Variants in L3MBTL3 observed in about 807,000 individuals in gnomAD.
The protein encoded by L3MBTL3 is L3MBTL histone methyl-lysine binding protein 3.
Under a neutral mutation model 102.3 loss-of-function variants are expected in L3MBTL3, and 27 were observed. That is an observed-to-expected ratio of 0.26 (90% CI 0.19 to 0.36). The LOEUF is 0.36. Ranked by LOEUF, L3MBTL3 falls within the 10% of genes least tolerant of loss-of-function variation. The probability of loss-of-function intolerance (pLI) is 1.00; values close to 1 mark genes in which losing one functional copy is unlikely to be tolerated. For synonymous variants in L3MBTL3, 340 were observed against 320.9 expected (o/e 1.06, Z -0.64); for missense variants, 798 against 955.3 (o/e 0.84, Z 2.17).
chr6:130,046,270 A>C (rs1287987603), intron 3 of L3MBTL3, among the ~76,000 whole-genome samples: 1 of 152,148 alleles, frequency 6.6e-6, no homozygotes, highest in Admixed American at 6.5e-5. Context: ...GCAGAGACCC[A>C]ACAGTAAAAT....
At chr6:130,023,516 CTG>C (rs2114450894) in intron 2 of L3MBTL3, among the ~76,000 whole-genome samples, 1 of 152,246 alleles carries the variant, frequency 6.6e-6, no homozygotes, top group Non-Finnish European at 1.5e-5. Context: ...GTCACTGTGT[CTG>C]TGGATAGAAT....
At chr6:130,083,333 A>G (rs1783484828) in intron 14 of L3MBTL3, among the ~76,000 whole-genome samples, 1 of 152,058 alleles carries the variant, frequency 6.6e-6, no homozygotes. Context: ...TCTCCAATAC[A>G]AAATTGCTAA....
chr6:130,031,379 T>C (rs182591333), intron 2 of L3MBTL3, among the ~76,000 whole-genome samples: 1 of 152,334 alleles, frequency 6.6e-6, no homozygotes, highest in African/African-American at 2.4e-5. Context: ...GCCTTCCAAA[T>C]GAGGGATTCC....
At chr6:130,116,493 G>A (rs1239029912) in intron 19 of L3MBTL3, among the ~76,000 whole-genome samples, 1 of 152,136 alleles carries the variant, frequency 6.6e-6, no homozygotes, top group Non-Finnish European at 1.5e-5. Flanking sequence ...GCTGCAGTGT[G>A]GGTAATCTCA....
In L3MBTL3 at chr6:130,086,000, GCCT is replaced by G. The variant is rs1273484970; in HGVS notation, c.1408-138_1408-136del. ...ACTCCTGGCCTCAAGTGATCCGCCC[GCCT>G]CAGCCTTCCAAAGTGCTGGGATTAC... is the stretch of plus-strand genomic sequence containing the variant. On this transcript the variant is annotated intron_variant, in intron 15 of 22. Transcript: ENST00000361794. The G allele has an allele frequency of 2.0e-5, 12 of 589,062 alleles. No individual in the cohort carries two copies. The African/African-American group carries it at 2.9e-4, about 14-fold the overall frequency. 36.5% of individuals were successfully genotyped at this position (589,062 alleles called of 1,614,324 possible).
chr6:130,065,263 C>T lies in L3MBTL3; in HGVS notation c.865-1090C>T, dbSNP rs80037335. Among the ~76,000 whole-genome samples, 288 of 152,200 alleles carry T rather than the reference C, an allele frequency of 1.9e-3. 2 individuals carry two copies. The East Asian group carries it at 0.03, about 16-fold the overall frequency. Reference sequence around the variant, plus strand: ...ATTAACATTTTGGCAAATATACCTCCGGACTTCTTTTTACTATGTGTTTAC... The same window carrying T: ...ATTAACATTTTGGCAAATATACCTCTGGACTTCTTTTTACTATGTGTTTAC... On this transcript the variant is annotated intron_variant, in intron 10 of 22. Coordinates refer to ENST00000361794, the MANE Select transcript of L3MBTL3 (RefSeq NM_032438.4).
intron 16 of L3MBTL3, among the ~76,000 whole-genome samples, chr6:130,092,275 A>G (rs1784102620): frequency 6.6e-6 from 1 of 152,092 alleles, no homozygotes; most frequent in African/African-American, 2.4e-5. Flanking sequence ...TTTTTTTTAA[A>G]TCATTTTCAA....
chr6:130,130,666 A>G (rs988018790), intron 20 of L3MBTL3, among the ~76,000 whole-genome samples: 8 of 152,342 alleles, frequency 5.3e-5, no homozygotes, highest in Non-Finnish European at 8.8e-5. Flanking sequence ...TAGATATTCA[A>G]TAAAATGGGA....
intron 18 of L3MBTL3, among the ~76,000 whole-genome samples, chr6:130,102,718 C>T (rs1784770079): frequency 6.6e-6 from 1 of 152,188 alleles, no homozygotes; most frequent in Non-Finnish European, 1.5e-5. Flanking sequence ...AACATTCTTT[C>T]CCACATTGTT....
intron 18 of L3MBTL3, among the ~76,000 whole-genome samples, chr6:130,097,482 G>GCAAACAC (rs1351148729): frequency 1.3e-5 from 2 of 152,206 alleles, no homozygotes; most frequent in Non-Finnish European, 2.9e-5. Context: ...AGATTACAGT[G>GCAAACAC]TTTGAATTTG....
At chr6:130,074,235 T>G (rs1441467840) in intron 13 of L3MBTL3, among the ~76,000 whole-genome samples, 1 of 152,224 alleles carries the variant, frequency 6.6e-6, no homozygotes, top group Non-Finnish European at 1.5e-5. Flanking sequence ...TACATTTGTG[T>G]TACTACATGT....
intron 19 of L3MBTL3, among the ~76,000 whole-genome samples, chr6:130,120,577 A>T (rs927142667): frequency 6.6e-6 from 1 of 152,244 alleles, no homozygotes; most frequent in Admixed American, 6.5e-5. Flanking sequence ...AAAATTCCAC[A>T]TGAATACATG....
chr6:130,033,290 A>T (rs920476291), intron 2 of L3MBTL3, among the ~76,000 whole-genome samples: 10 of 152,164 alleles, frequency 6.6e-5, no homozygotes, highest in Non-Finnish European at 1.5e-4. Context: ...AGATGATGTT[A>T]CTGAAAAATG....
intron 2 of L3MBTL3, among the ~76,000 whole-genome samples, chr6:130,030,217 A>G (rs1779623567): frequency 1.3e-5 from 2 of 152,138 alleles, no homozygotes; most frequent in East Asian, 1.9e-4. Flanking sequence ...ACTGTGTGCA[A>G]AGCACTCTAG....
intron 10 of L3MBTL3, among the ~76,000 whole-genome samples, chr6:130,062,673 G>GCA (rs890203714): frequency 6.6e-6 from 1 of 151,170 alleles, no homozygotes; most frequent in African/African-American, 2.4e-5. Context: ...TGTATAACAG[G>GCA]CATGAGCCAC....
intron 9 of L3MBTL3, among the ~76,000 whole-genome samples, chr6:130,057,953 C>T (rs895403801): frequency 1.3e-5 from 2 of 151,164 alleles, no homozygotes; most frequent in Admixed American, 6.6e-5. Flanking sequence ...ACCATCCTGG[C>T]TAACAAGGTG....
intron 19 of L3MBTL3, among the ~76,000 whole-genome samples, chr6:130,113,797 G>T (rs1785492277): frequency 6.6e-6 from 1 of 152,204 alleles, no homozygotes; most frequent in African/African-American, 2.4e-5. Context: ...CGAAAGCCGA[G>T]TCTGTACCCT....
intron 19 of L3MBTL3, among the ~76,000 whole-genome samples, chr6:130,105,304 G>A (rs1784919279): frequency 6.6e-6 from 1 of 152,008 alleles, no homozygotes; most frequent in Non-Finnish European, 1.5e-5. Context: ...AACCTAGTGG[G>A]CATTTAAATC....
chr6:130,094,542 C>G (rs552844906), intron 18 of L3MBTL3, among the ~76,000 whole-genome samples, 175 bp downstream of exon 18: 5 of 152,178 alleles, frequency 3.3e-5, no homozygotes, highest in African/African-American at 1.2e-4. Flanking sequence ...GTAAAATCTT[C>G]CTGGGAGAAA....
Sources: allele counts gnomAD v4.1 joint callset (sites outside exome capture counted in the v4.1 genomes callset), GRCh38; gene constraint gnomAD v4.1.1; transcripts MANE v1.5; gene names NCBI Gene and HGNC (gene_info 2026-07-23, HGNC 2026-07-21).